The following RAB38 variants were observed in gnomAD, a reference collection of about 807,000 sequenced individuals.
The protein encoded by RAB38 is ras-related protein Rab-38.
A neutral mutation model predicts 18.4 loss-of-function variants in RAB38; 15 were observed. The observed-to-expected ratio is 0.82, with a 90% CI of 0.55 to 1.26. RAB38 has a LOEUF of 1.26. Among genes scored for constraint, RAB38 ranks in the 50% most tolerant of loss-of-function variants. The pLI is 0.00. For synonymous variants in RAB38, 101 were observed against 104.4 expected, an observed-to-expected ratio of 0.97 and a Z score of 0.20; for missense variants, 294 against 267.4, an observed-to-expected ratio of 1.10 and a Z score of -0.69.
chr11:88,170,730 T>C (rs1429871812), intron 1 of RAB38, among the ~76,000 whole-genome samples: 1 of 152,250 alleles, frequency 6.6e-6, no homozygotes, highest in Non-Finnish European at 1.5e-5. Flanking sequence ...ATAGGGTAGA[T>C]CTTATTTTAA....
intron 1 of RAB38, among the ~76,000 whole-genome samples, chr11:88,160,693 A>G (rs188559): frequency 0.68 from 102,868 of 151,940 alleles, 35,037 homozygotes; most frequent in Non-Finnish European, 0.71. Context: ...ACATAGATGT[A>G]GCTGGAGGCC....
the RAB38 span, among the ~76,000 whole-genome samples, chr11:88,018,956 ATTTT>A: frequency 1.3e-5 from 2 of 151,620 alleles, no homozygotes; most frequent in Non-Finnish European, 2.9e-5. Context: ...TTTTAAAACA[ATTTT>A]TTTTATTTTT....
chr11:87,944,315 G>GCAAAC, the RAB38 span, among the ~76,000 whole-genome samples: 1 of 152,172 alleles, frequency 6.6e-6, no homozygotes, highest in African/African-American at 2.4e-5. Context: ...GCCCAATAAG[G>GCAAAC]CAAACCACAA....
the RAB38 span, among the ~76,000 whole-genome samples, chr11:88,044,206 C>T: frequency 6.6e-6 from 1 of 152,216 alleles, no homozygotes; most frequent in African/African-American, 2.4e-5. Flanking sequence ...ACCCACGTTT[C>T]AGAGGTGTCT....
chr11:87,843,904 C>T, the RAB38 span, among the ~76,000 whole-genome samples: 1 of 152,098 alleles, frequency 6.6e-6, no homozygotes, highest in East Asian at 1.9e-4. Context: ...ATAAGTGACT[C>T]CTTCATTGCA....
the RAB38 span, among the ~76,000 whole-genome samples, chr11:87,963,494 G>T: frequency 2.0e-5 from 3 of 152,080 alleles, no homozygotes; most frequent in Non-Finnish European, 4.4e-5. Context: ...AAACCTAGGA[G>T]TGGGACAGAA....
chr11:88,140,737 G>A (rs1012102859), intron 2 of RAB38, among the ~76,000 whole-genome samples: 3 of 152,154 alleles, frequency 2.0e-5, no homozygotes, highest in Admixed American at 2.0e-4. Flanking sequence ...TAAATGGAAG[G>A]AGTAGAGATA....
chr11:88,110,676 G>C (rs1942461854), downstream of RAB38, among the ~76,000 whole-genome samples: 1 of 151,936 alleles, frequency 6.6e-6, no homozygotes, highest in African/African-American at 2.4e-5. Flanking sequence ...AATTAGCCGG[G>C]TGTGCTGGCG....
chr11:88,111,935 A>C (rs142837779), downstream of RAB38, among the ~76,000 whole-genome samples: 505 of 152,340 alleles, frequency 3.3e-3, 1 homozygote, highest in African/African-American at 0.012. Context: ...GTATTTTGCC[A>C]ATGTAGTTCT....
chr11:87,807,868 A>T, the RAB38 span, among the ~76,000 whole-genome samples: 1 of 152,218 alleles, frequency 6.6e-6, no homozygotes, highest in Non-Finnish European at 1.5e-5. Context: ...TAGGGTCAAG[A>T]ACAAAGTCAC....
chr11:87,939,379 T>TACAC, the RAB38 span, among the ~76,000 whole-genome samples: 10,997 of 146,298 alleles, frequency 0.075, 581 homozygotes, highest in East Asian at 0.15. Flanking sequence ...CACACATACA[T>TACAC]ACACACACAC....
intron 2 of RAB38, among the ~76,000 whole-genome samples, chr11:88,146,359 G>T (rs1461332240): frequency 6.6e-6 from 1 of 152,176 alleles, no homozygotes; most frequent in East Asian, 1.9e-4. Context: ...GTTTGACTCA[G>T]AAGTTTCAGC....
At chr11:88,016,826 A>T in the RAB38 span, among the ~76,000 whole-genome samples, 13 of 152,226 alleles carry the variant, frequency 8.5e-5, no homozygotes, top group South Asian at 2.1e-4. Context: ...TTGAGGACTC[A>T]CTTTTCTTTA....
chr11:87,950,466 G>A, the RAB38 span, among the ~76,000 whole-genome samples: 6 of 152,152 alleles, frequency 3.9e-5, no homozygotes, highest in Non-Finnish European at 7.4e-5. Flanking sequence ...AATTAATGCA[G>A]TTTCTTCCTA....
rs562794407 is a variant in RAB38, at chr11:88,124,016, G to T, written c.484-9876C>A. ...CTTTAGTAGAGAGTTTGAAGCTCTTGCTTCTCCAGATAGCATAAATGAAAC... is the reference window on the plus strand; with the variant it reads ...CTTTAGTAGAGAGTTTGAAGCTCTTTCTTCTCCAGATAGCATAAATGAAAC... On this transcript the variant is annotated intron_variant, in intron 2 of 2. Coordinates refer to ENST00000243662, the MANE Select transcript of RAB38 (RefSeq NM_022337.3). 2.7e-4 allele frequency among the ~76,000 whole-genome samples: 41 copies of T among 152,226 alleles called. No individual in the cohort carries two copies. In the South Asian group the frequency reaches 4.6e-3, roughly 17 times the overall value.
intron 1 of RAB38, among the ~76,000 whole-genome samples, chr11:88,170,488 CACA>C (rs1239953909): frequency 6.6e-6 from 1 of 152,158 alleles, no homozygotes; most frequent in Non-Finnish European, 1.5e-5. Context: ...GGTTGAATTT[CACA>C]ACCTGAAAGA....
At chr11:87,865,032 A>G in the RAB38 span, among the ~76,000 whole-genome samples, 296 of 151,856 alleles carry the variant, frequency 1.9e-3, no homozygotes, top group African/African-American at 6.7e-3. Flanking sequence ...AGAGTCACTT[A>G]TTTTTACTGC....
the RAB38 span, among the ~76,000 whole-genome samples, chr11:88,052,502 C>T: frequency 6.6e-6 from 1 of 152,004 alleles, no homozygotes. Flanking sequence ...GGATTTCAAC[C>T]CTAGGTCTTT....
At chr11:88,169,197 C>A (rs1943279948) in intron 1 of RAB38, among the ~76,000 whole-genome samples, 1 of 152,120 alleles carries the variant, frequency 6.6e-6, no homozygotes, top group Non-Finnish European at 1.5e-5. Flanking sequence ...AGGTTTCAAG[C>A]CTAAGTAACT....
Sources: allele counts gnomAD v4.1 joint callset (sites outside exome capture counted in the v4.1 genomes callset), GRCh38; gene constraint gnomAD v4.1.1; transcripts MANE v1.5; gene names NCBI Gene and HGNC (gene_info 2026-07-23, HGNC 2026-07-21).